Variants in NDUFA9 observed in about 807,000 individuals in gnomAD.
The protein encoded by NDUFA9 is NADH:ubiquinone oxidoreductase subunit A9, also known as NADH dehydrogenase [ubiquinone] 1 alpha subcomplex subunit 9, mitochondrial.
In NDUFA9, 23 loss-of-function variants were observed where a neutral mutation model predicts 45.9. The ratio of observed to expected loss-of-function variants is 0.50; its 90% CI spans 0.36 to 0.71. The LOEUF (loss-of-function observed/expected upper bound fraction) is 0.71, where lower values mean the gene tolerates loss of function less well. Ranked by LOEUF, NDUFA9 falls within the 30% of genes least tolerant of loss-of-function variation. NDUFA9 has a pLI of 0.00. For synonymous variants in NDUFA9, 176 were observed against 170.5 expected, an observed-to-expected ratio of 1.03 and a Z score of -0.25; for missense variants, 466 against 488.2, an observed-to-expected ratio of 0.95 and a Z score of 0.43.
In NDUFA9 at chr12:4,693,902, A is replaced by T. The variant is rs1946030055; in HGVS notation, c.*6794A>T. 6.6e-6 allele frequency: 1 copy of T among 152,248 alleles called. No homozygotes were observed. The highest frequency in any genetic ancestry group is 2.4e-5 in the African/African-American group (1 of 41,458). The allele number at this position is 152,248 out of a possible 1,614,324, so 9.4% of individuals were successfully genotyped here. ...TGAATAAACAATAAAAAACAAGAGA[A>T]GTGACAGCTTTATAGCATCTGATTG... On this transcript the variant is annotated 3_prime_UTR_variant, in exon 11 of 11. Transcript: ENST00000266544.
intron 3 of NDUFA9, among the ~76,000 whole-genome samples, chr12:4,656,549 G>A (rs932137356): frequency 6.6e-6 from 1 of 152,164 alleles, no homozygotes; most frequent in African/African-American, 2.4e-5. Flanking sequence ...GTTTATTTTC[G>A]AGAAGGACTA....
intron 4 of NDUFA9, 97 bp from the exon 5 acceptor site, chr12:4,658,939 G>A: frequency 1.6e-6 from 2 of 1,273,852 alleles, no homozygotes; most frequent in Non-Finnish European, 2.2e-6. Context: ...TAAGTAGTGT[G>A]AATTTCAGTA....
intron 9 of NDUFA9, among the ~76,000 whole-genome samples, chr12:4,683,790 C>T (rs886191831): frequency 2.6e-5 from 4 of 152,088 alleles, no homozygotes; most frequent in Non-Finnish European, 2.9e-5. Context: ...AGGAGAGAAT[C>T]GATGTTTTAA....
intron 5 of NDUFA9, among the ~76,000 whole-genome samples, chr12:4,661,393 G>A (rs1945822218): frequency 6.6e-6 from 1 of 152,116 alleles, no homozygotes; most frequent in Non-Finnish European, 1.5e-5. Flanking sequence ...AGGAAAACAC[G>A]GTTTTTGGGA....
intron 5 of NDUFA9, among the ~76,000 whole-genome samples, chr12:4,661,495 A>T (rs1461898573): frequency 6.6e-6 from 1 of 152,044 alleles, no homozygotes. Flanking sequence ...CAGCTGCTCA[A>T]GACAGTGGGA....
intron 3 of NDUFA9, among the ~76,000 whole-genome samples, chr12:4,656,872 G>A (rs1436267454): frequency 1.3e-5 from 2 of 152,216 alleles, no homozygotes; most frequent in African/African-American, 4.8e-5. Context: ...TTTAGACTGT[G>A]TCTTTTAACC....
At position 4,688,782 on chromosome 12, in the gene NDUFA9, A is replaced by G. The variant is rs1946002679; in HGVS notation, c.*1674A>G. On this transcript the variant is annotated 3_prime_UTR_variant, in exon 11 of 11. Transcript: ENST00000266544. Reference sequence around the variant, plus strand: ...GTATGTCAGAATCAGCGTACTAGGGAAAGGAACACAAACCCAACTTCACGT... The same window carrying G: ...GTATGTCAGAATCAGCGTACTAGGGGAAGGAACACAAACCCAACTTCACGT... The G allele has an allele frequency of 6.6e-6, 1 of 152,180 alleles. No homozygotes were observed. The highest frequency in any genetic ancestry group is 6.5e-5 in the Admixed American group (1 of 15,274). The allele number at this position is 152,180 out of a possible 1,614,324, so 9.4% of individuals were successfully genotyped here.
chr12:4,676,756 A>G (rs1011233944), intron 8 of NDUFA9, among the ~76,000 whole-genome samples: 5 of 152,244 alleles, frequency 3.3e-5, no homozygotes, highest in Non-Finnish European at 7.3e-5. Flanking sequence ...TGCTATCCCC[A>G]TCAAACTTCC....
At chr12:4,672,921 G>A (rs533290758) in intron 8 of NDUFA9, among the ~76,000 whole-genome samples, 45 of 152,182 alleles carry the variant, frequency 3.0e-4, no homozygotes, top group Non-Finnish European at 4.4e-4. Context: ...CCCTGCCCCC[G>A]TGTATCCTGA....
chr12:4,678,061 T>A lies in NDUFA9; in HGVS notation c.801-4144T>A, dbSNP rs892888210. 3.9e-5 allele frequency among the ~76,000 whole-genome samples: 6 copies of A among 152,026 alleles called. No homozygotes were observed. In the South Asian group the frequency reaches 1.2e-3, roughly 32 times the overall value. ...CACAAGAACAGAAAACCAAACACCA[T>A]ATGTTCTCACTTATAAGTGGGAGTT... is the stretch of plus-strand genomic sequence containing the variant. On this transcript the variant is annotated intron_variant, in intron 8 of 10. Transcript: ENST00000266544.
chr12:4,679,448 G>A (rs1446564117), intron 8 of NDUFA9, among the ~76,000 whole-genome samples: 1 of 152,166 alleles, frequency 6.6e-6, no homozygotes, highest in East Asian at 1.9e-4. Context: ...CCTTTGTGGA[G>A]CTTATAGATT....
rs113630331 is a variant in NDUFA9, at chr12:4,653,991, A to G, written c.50-301A>G. Among the ~76,000 whole-genome samples, 2,504 of 151,856 alleles carry G rather than the reference A, an allele frequency of 0.016. 55 individuals carry two copies. Among genetic ancestry groups the G allele is most frequent in the African/African-American group, 0.055 (2,258 of 41,402 alleles). ...TATTGCTCATTTATTACATATTCTCAGTTCCTTTTACCGTATAGGCTTATG... is the reference window on the plus strand; with the variant it reads ...TATTGCTCATTTATTACATATTCTCGGTTCCTTTTACCGTATAGGCTTATG... On this transcript the variant is annotated intron_variant, in intron 1 of 10. Coordinates refer to ENST00000266544, the MANE Select transcript of NDUFA9 (RefSeq NM_005002.5).
Position 4,682,320 on chromosome 12 carries a change from T to C in NDUFA9, c.896+20T>C, listed in dbSNP as rs1316951079. 3 of 1,572,932 alleles carry C rather than the reference T, an allele frequency of 1.9e-6. No homozygotes were observed. In the Admixed American group the frequency reaches 5.0e-5, roughly 26 times the overall value. On this transcript the variant is annotated intron_variant, in intron 9 of 10. Coordinates refer to ENST00000266544, the MANE Select transcript of NDUFA9 (RefSeq NM_005002.5). ...CTATCGGTAAGTAGAGTGCTCCTTT[T>C]GTGTGACTTCTGAAAAAGCCAGCTC...
At position 4,649,315 on chromosome 12, in the gene NDUFA9, T is replaced by C. The variant is rs1945740255; in HGVS notation, c.49+140T>C. On this transcript the variant is annotated intron_variant, in intron 1 of 10. Transcript: ENST00000266544. Reference sequence around the variant, plus strand: ...TTCTCTAGGTTTGGAGCTGCCTCAGTCTGGTTTCTCCTTTCGCTTTCCGCT... The same window carrying C: ...TTCTCTAGGTTTGGAGCTGCCTCAGCCTGGTTTCTCCTTTCGCTTTCCGCT... The C allele has an allele frequency of 1.1e-5, 11 of 970,512 alleles. No homozygotes were observed. The Middle Eastern group carries it at 9.6e-4, about 85-fold the overall frequency. 60.1% of individuals were successfully genotyped at this position (970,512 alleles called of 1,614,324 possible).
intron 1 of NDUFA9, among the ~76,000 whole-genome samples, chr12:4,650,298 G>A (rs1945750367): frequency 6.6e-6 from 1 of 152,054 alleles, no homozygotes; most frequent in South Asian, 2.1e-4. Flanking sequence ...GGAAGGTGGT[G>A]GTGCACATCA....
intron 9 of NDUFA9, chr12:4,684,958 G>A: frequency 1.7e-6 from 1 of 595,312 alleles, no homozygotes; most frequent in African/African-American, 1.9e-5. Context: ...ATTAAATACT[G>A]GAGTTTTTCT....
chr12:4,662,474 A>G, intron 5 of NDUFA9, 59 bp from the exon 6 acceptor site: 1 of 1,280,050 alleles, frequency 7.8e-7, no homozygotes, highest in Non-Finnish European at 1.1e-6. Flanking sequence ...AGTGGAAAGA[A>G]TGGATGCTTT....
At chr12:4,657,698 T>C (rs753870695) in intron 3 of NDUFA9, 50 bp from the exon 4 acceptor site, 4 of 1,354,276 alleles carry the variant, frequency 3.0e-6, no homozygotes, top group Non-Finnish European at 4.2e-6. Context: ...AAGTGTTGAG[T>C]GCTGAGGTAT....
In NDUFA9 at chr12:4,691,209, A is replaced by G. The variant is rs532069209; in HGVS notation, c.*4101A>G. On this transcript the variant is annotated 3_prime_UTR_variant, in exon 11 of 11. Coordinates refer to ENST00000266544, the MANE Select transcript of NDUFA9 (RefSeq NM_005002.5). ...TGATGGGATAGTGATGAGGAATTAAATGAGATCATGCATGTAAAATGCTGA... is the reference window on the plus strand; with the variant it reads ...TGATGGGATAGTGATGAGGAATTAAGTGAGATCATGCATGTAAAATGCTGA... 2 of 152,356 alleles carry G rather than the reference A, an allele frequency of 1.3e-5. No homozygotes were observed. Among genetic ancestry groups the G allele is most frequent in the East Asian group, 3.9e-4 (2 of 5,186 alleles). The allele number at this position is 152,356 out of a possible 1,614,324, so 9.4% of individuals were successfully genotyped here. A position where few individuals can be genotyped will look rare whatever the true frequency, so the allele number is the denominator to read the frequency against.
Sources: gnomAD v4.1 joint callset for allele counts (sites outside exome capture counted in the v4.1 genomes callset) on GRCh38, gnomAD v4.1.1 for gene constraint, MANE v1.5 for transcripts, NCBI Gene and HGNC (gene_info 2026-07-23, HGNC 2026-07-21) for gene names.